BEND7: variants seen among roughly 807,000 people sequenced by gnomAD.
The protein encoded by BEND7 is BEN domain containing 7.
BEND7 carries 28 observed loss-of-function variants against 50.9 expected under a neutral mutation model. That is an observed-to-expected ratio of 0.55 (90% CI 0.41 to 0.75). BEND7 has a LOEUF of 0.75. Among genes scored for constraint, BEND7 ranks in the 30% least tolerant of loss-of-function variants. The pLI is 0.00. For synonymous variants in BEND7, 170 were observed against 183.9 expected (o/e 0.92, Z 0.61); for missense variants, 477 against 491.3 (o/e 0.97, Z 0.28).
chr10:13,489,223 A>G (rs1381860820), intron 5 of BEND7, among the ~76,000 whole-genome samples: 1 of 152,176 alleles, frequency 6.6e-6, no homozygotes, highest in African/African-American at 2.4e-5. Context: ...CACACAGCTG[A>G]GAGTCTAACC....
At chr10:13,502,124 A>G (rs2132260463) in intron 2 of BEND7, among the ~76,000 whole-genome samples, 1 of 152,274 alleles carries the variant, frequency 6.6e-6, no homozygotes, top group South Asian at 2.1e-4. Context: ...TTCTCTGTAG[A>G]ACTGGTAACT....
Position 13,481,129 on chromosome 10 carries a change from C to A in BEND7, c.838-5G>T. ...TTCAGCAAGTTGTACTTCTGGCTAC[C>A]AAAAGAACACAGATATTTCATTAAA... On this transcript the variant is annotated splice_polypyrimidine_tract_variant and splice_region_variant and intron_variant, in intron 5 of 8. Transcript: ENST00000466271. 6.2e-7 allele frequency: 1 copy of A among 1,612,802 alleles called. No homozygotes were observed. The highest frequency in any genetic ancestry group is 1.1e-5 in the South Asian group (1 of 90,852).
At chr10:13,500,101 G>T in intron 2 of BEND7, 21 bp from the exon 3 acceptor site, 2 of 1,535,784 alleles carry the variant, frequency 1.3e-6, no homozygotes, top group Non-Finnish European at 1.8e-6. Flanking sequence ...CAGGGCCAAA[G>T]TTAGCACTCT....
At chr10:13,445,897 C>T (rs1427880200) in intron 8 of BEND7, 1 of 152,204 alleles carries the variant, frequency 6.6e-6, no homozygotes, top group East Asian at 1.9e-4. Context: ...CATGGTGCTC[C>T]CCTGAAGGGC....
intron 6 of BEND7, among the ~76,000 whole-genome samples, chr10:13,454,952 A>G (rs752765002): frequency 2.0e-5 from 3 of 152,004 alleles, no homozygotes; most frequent in Non-Finnish European, 2.9e-5. Flanking sequence ...CGGGTGGATC[A>G]CTTGAGGTCA....
chr10:13,509,775 G>A (rs1429394071), intron 2 of BEND7, among the ~76,000 whole-genome samples: 2 of 152,142 alleles, frequency 1.3e-5, no homozygotes, highest in African/African-American at 4.8e-5. Flanking sequence ...AACTTAGCTG[G>A]AGTTAAGGCA....
intron 2 of BEND7, 32 bp from the exon 3 acceptor site, chr10:13,500,112 A>AG (rs2077333008): frequency 6.7e-7 from 1 of 1,486,188 alleles, no homozygotes; most frequent in Non-Finnish European, 9.1e-7. Flanking sequence ...TTAGCACTCT[A>AG]AATTAGTGAA....
chr10:13,496,928 C>CA (rs5783327), intron 3 of BEND7, 40 bp from the exon 4 acceptor site: 131,261 of 1,101,770 alleles, frequency 0.12, 1,216 homozygotes, highest in African/African-American at 0.2. Flanking sequence ...CCAAACAAAC[C>CA]AAAAAAAAAA....
chr10:13,499,899 G>A lies in BEND7; in HGVS notation c.327C>T (p.Leu109=), dbSNP rs1203770885. Residue 109 remains leucine, a synonymous_variant, in exon 3 of 9, where the codon CTC becomes CTT. Transcript: ENST00000466271. ...LNSSAEAPQS[L]HPSSRGVWNE... The stretch of plus-strand genomic sequence containing the variant: ...TCCACACACCACGTGAAGACGGGTG[G>A]AGGCTTTGCGGGGCCTCAGCAGAGG... 6.2e-7 allele frequency: 1 copy of A among 1,614,146 alleles called. No individual in the cohort carries two copies.
At chr10:13,443,458 G>C (rs985949466) in intron 8 of BEND7, 2 of 152,686 alleles carry the variant, frequency 1.3e-5, no homozygotes, top group African/African-American at 2.4e-5. Flanking sequence ...AGGAAGAGTT[G>C]TACATGGTTC....
chr10:13,490,078 T>G (rs997188594), intron 5 of BEND7, among the ~76,000 whole-genome samples: 1 of 152,218 alleles, frequency 6.6e-6, no homozygotes, highest in Non-Finnish European at 1.5e-5. Context: ...GTTATCAGTT[T>G]GAAGACAGTG....
At chr10:13,524,107 CTGG>C (rs1393408678) in intron 2 of BEND7, among the ~76,000 whole-genome samples, 1 of 152,172 alleles carries the variant, frequency 6.6e-6, no homozygotes, top group African/African-American at 2.4e-5. Context: ...TTACTGAATC[CTGG>C]GCACTAGCAT....
chr10:13,473,574 T>A, intron 6 of BEND7, among the ~76,000 whole-genome samples: 1 of 109,248 alleles, frequency 9.2e-6, no homozygotes, highest in Non-Finnish European at 1.9e-5. Flanking sequence ...GGGCCAATAT[T>A]GTCATCGCTG....
At chr10:13,446,389 C>G (rs1463867381) in intron 8 of BEND7, 1 of 152,326 alleles carries the variant, frequency 6.6e-6, no homozygotes, top group East Asian at 1.9e-4. Flanking sequence ...AGAGACTCCA[C>G]TAATATTTGC....
chr10:13,503,384 G>A (rs1021175697), intron 2 of BEND7, among the ~76,000 whole-genome samples: 3 of 152,202 alleles, frequency 2.0e-5, no homozygotes, highest in Non-Finnish European at 2.9e-5. Context: ...TAAGCTCACG[G>A]CCTAGCTCAC....
downstream of BEND7, chr10:13,439,189 A>G: frequency 6.2e-7 from 1 of 1,612,906 alleles, no homozygotes; most frequent in Non-Finnish European, 8.5e-7. Context: ...GAGAGGCAAG[A>G]GATGTGAAGG....
intron 2 of BEND7, among the ~76,000 whole-genome samples, chr10:13,524,217 G>A (rs1011521625): frequency 6.6e-6 from 1 of 152,224 alleles, no homozygotes; most frequent in Non-Finnish European, 1.5e-5. Context: ...GAAAGTGCGG[G>A]AAAGCCTGCC....
At chr10:13,520,617 A>G (rs916093229) in intron 2 of BEND7, among the ~76,000 whole-genome samples, 1 of 152,210 alleles carries the variant, frequency 6.6e-6, no homozygotes, top group Non-Finnish European at 1.5e-5. Flanking sequence ...GACAAGGTGA[A>G]GAACTCAGAA....
intron 2 of BEND7, among the ~76,000 whole-genome samples, chr10:13,513,739 T>C (rs542352397): frequency 6.6e-6 from 1 of 152,222 alleles, no homozygotes; most frequent in East Asian, 1.9e-4. Flanking sequence ...CAAATCGAAT[T>C]ACACTGCGGA....
Sources: allele counts gnomAD v4.1 joint callset (sites outside exome capture counted in the v4.1 genomes callset), GRCh38; gene constraint gnomAD v4.1.1; transcripts MANE v1.5; gene names NCBI Gene and HGNC (gene_info 2026-07-23, HGNC 2026-07-21).